Variants in RNLS observed in about 807,000 individuals in gnomAD.
RNLS encodes renalase.
A neutral mutation model predicts 39.8 loss-of-function variants in RNLS; 39 were observed. The observed-to-expected ratio is 0.98, with a 90% confidence interval of 0.76 to 1.28. RNLS has a LOEUF of 1.28. RNLS is among the 50% of genes most tolerant of loss of function. RNLS has a pLI of 0.00. For missense variants in RNLS, 410 were observed against 413.3 expected, an observed-to-expected ratio of 0.99 and a Z score of 0.07; for synonymous variants, 147 against 150.7, an observed-to-expected ratio of 0.98 and a Z score of 0.18.
At chr10:88,216,667 A>G in the RNLS span, among the ~76,000 whole-genome samples, 1 of 152,216 alleles carries the variant, frequency 6.6e-6, no homozygotes, top group African/African-American at 2.4e-5. Flanking sequence ...TGGAGCACAG[A>G]AGTGGCTCAA....
chr10:88,408,119 A>G (rs1303612366), intron 4 of RNLS, among the ~76,000 whole-genome samples: 1 of 152,138 alleles, frequency 6.6e-6, no homozygotes, highest in Non-Finnish European at 1.5e-5. Context: ...CTGCACCTCA[A>G]CTAAGGATGT....
At position 88,583,100 on chromosome 10, in the gene RNLS, C is replaced by G; in HGVS notation, c.91G>C (p.Ala31Pro). The G allele has an allele frequency of 6.2e-7, 1 of 1,614,056 alleles. No homozygotes were observed. Among genetic ancestry groups the G allele is most frequent in the Middle Eastern group, 1.6e-4 (1 of 6,062 alleles). Residue 31 changes from alanine to proline, a missense_variant, in exon 1 of 7, where the codon GCT becomes CCT. Coordinates refer to ENST00000331772, the MANE Select transcript of RNLS (RefSeq NM_001031709.3). ...GAGTCCTCAGCCTTGTCCCACACAG[C>G]AAGGTACAAGGGACCGGACGTCTGC... ...RRQTSGPLYL[A>P]VWDKAEDSGG... is the part of the protein sequence containing the mutation.
the RNLS span, among the ~76,000 whole-genome samples, chr10:88,177,981 G>T: frequency 6.6e-6 from 1 of 152,308 alleles, no homozygotes; most frequent in East Asian, 1.9e-4. Flanking sequence ...GAGGTGGCAG[G>T]GTCATTGGTG....
intron 5 of RNLS, among the ~76,000 whole-genome samples, chr10:88,345,631 A>G (rs1477641332): frequency 6.6e-6 from 1 of 152,178 alleles, no homozygotes; most frequent in Non-Finnish European, 1.5e-5. Flanking sequence ...TAAAGTTGGC[A>G]TTTACTATGC....
chr10:88,271,064 G>C (rs1388264442), downstream of RNLS, among the ~76,000 whole-genome samples: 1 of 152,128 alleles, frequency 6.6e-6, no homozygotes, highest in Non-Finnish European at 1.5e-5. Context: ...TCATGGTCTT[G>C]ATCATTTCCT....
chr10:88,496,095 T>C (rs1845159376), intron 4 of RNLS, among the ~76,000 whole-genome samples: 1 of 151,984 alleles, frequency 6.6e-6, no homozygotes, highest in Admixed American at 6.6e-5. Flanking sequence ...GAGAGAACAT[T>C]TATGCAGCTT....
At chr10:88,286,989 A>G (rs73360737) in intron 6 of RNLS, among the ~76,000 whole-genome samples, 1,720 of 151,718 alleles carry the variant, frequency 0.011, 30 homozygotes, top group African/African-American at 0.037. Context: ...GGGTCTCACT[A>G]TGTTGCCCAG....
the RNLS span, among the ~76,000 whole-genome samples, chr10:88,219,950 G>A: frequency 1.3e-5 from 2 of 152,182 alleles, no homozygotes; most frequent in African/African-American, 4.8e-5. Context: ...TGGGAAACCA[G>A]GAAAAGTGTG....
chr10:88,423,850 C>CCCAGCAA, intron 4 of RNLS, among the ~76,000 whole-genome samples: 1 of 152,318 alleles, frequency 6.6e-6, no homozygotes, highest in East Asian at 1.9e-4. Flanking sequence ...TGGAAATACT[C>CCCAGCAA]TCAGCAATCC....
the RNLS span, among the ~76,000 whole-genome samples, chr10:88,264,262 G>A: frequency 2.0e-5 from 3 of 152,122 alleles, no homozygotes; most frequent in African/African-American, 7.2e-5. Flanking sequence ...TTGCAATTGT[G>A]AATTGTGCTG....
the RNLS span, among the ~76,000 whole-genome samples, chr10:88,183,031 T>C: frequency 6.6e-6 from 1 of 152,114 alleles, no homozygotes; most frequent in Non-Finnish European, 1.5e-5. Context: ...ACAATAATAT[T>C]CATCTTGCAA....
At chr10:88,263,098 C>T in the RNLS span, among the ~76,000 whole-genome samples, 1 of 151,914 alleles carries the variant, frequency 6.6e-6, no homozygotes, top group Non-Finnish European at 1.5e-5. Flanking sequence ...GTCTAGCACA[C>T]ATTGTGAGTA....
intron 4 of RNLS, among the ~76,000 whole-genome samples, chr10:88,370,238 C>T (rs562943584): frequency 2.6e-5 from 4 of 152,156 alleles, no homozygotes; most frequent in South Asian, 2.1e-4. Flanking sequence ...TAAGGTACTG[C>T]TTTCAGATGC....
chr10:88,531,054 T>C (rs569469064), intron 4 of RNLS, among the ~76,000 whole-genome samples: 1 of 152,244 alleles, frequency 6.6e-6, no homozygotes, highest in African/African-American at 2.4e-5. Flanking sequence ...AAAGTTTGAA[T>C]TAAGTATTAT....
chr10:88,196,074 G>C, the RNLS span, among the ~76,000 whole-genome samples: 1 of 152,122 alleles, frequency 6.6e-6, no homozygotes, highest in African/African-American at 2.4e-5. Context: ...CAAGTGCAAA[G>C]GTTTGCATTT....
intron 4 of RNLS, among the ~76,000 whole-genome samples, chr10:88,528,531 C>T (rs897652156): frequency 5.3e-5 from 8 of 152,036 alleles, no homozygotes; most frequent in African/African-American, 1.9e-4. Flanking sequence ...TAGAGATAAA[C>T]TAGTCCTGAG....
chr10:88,465,373 A>G (rs1000157534), intron 4 of RNLS, among the ~76,000 whole-genome samples: 7 of 152,112 alleles, frequency 4.6e-5, no homozygotes, highest in African/African-American at 1.7e-4. Context: ...GTGTCCTAGC[A>G]CTAGGGTTCC....
At chr10:88,320,243 T>C (rs1040283504) in intron 5 of RNLS, among the ~76,000 whole-genome samples, 1 of 150,252 alleles carries the variant, frequency 6.7e-6, no homozygotes, top group Admixed American at 6.6e-5. Flanking sequence ...GATGAGCAAA[T>C]GCTAAGGGAA....
intron 4 of RNLS, among the ~76,000 whole-genome samples, chr10:88,543,877 T>A (rs1848166753): frequency 6.6e-6 from 1 of 152,142 alleles, no homozygotes; most frequent in East Asian, 1.9e-4. Flanking sequence ...CATAAGGGTT[T>A]TGGATAGAAT....
Sources: gnomAD v4.1 joint callset for allele counts (sites outside exome capture counted in the v4.1 genomes callset) on GRCh38, gnomAD v4.1.1 for gene constraint, MANE v1.5 for transcripts, NCBI Gene and HGNC (gene_info 2026-07-23, HGNC 2026-07-21) for gene names.